LRRC4C: variants seen among roughly 807,000 people sequenced by gnomAD.
LRRC4C encodes the protein leucine rich repeat containing 4C, also known as leucine-rich repeat-containing protein 4C.
LRRC4C carries 5 observed loss-of-function variants against 33.6 expected under a neutral mutation model. The observed-to-expected ratio is 0.15, with a 90% CI of 0.08 to 0.31. The LOEUF (loss-of-function observed/expected upper bound fraction) is 0.31, where lower values mean the gene tolerates loss of function less well. Among genes scored for constraint, LRRC4C ranks in the 10% least tolerant of loss-of-function variants. The probability of loss-of-function intolerance (pLI) is 1.00; values close to 1 mark genes in which losing one functional copy is unlikely to be tolerated. For synonymous variants in LRRC4C, 329 were observed against 302.0 expected (o/e 1.09, Z -0.93); for missense variants, 560 against 796.7 (o/e 0.70, Z 3.58).
chr11:41,138,637 A>G (rs1193984593), intron 1 of LRRC4C, among the ~76,000 whole-genome samples: 2 of 152,160 alleles, frequency 1.3e-5, no homozygotes, highest in Admixed American at 1.3e-4. Context: ...ATTTAAAGAG[A>G]CCTCTATAAA....
intron 2 of LRRC4C, among the ~76,000 whole-genome samples, chr11:40,887,953 C>A (rs1955537536): frequency 6.6e-6 from 1 of 151,660 alleles, no homozygotes; most frequent in African/African-American, 2.4e-5. Context: ...AGTTTTTCTT[C>A]AAACATGTAA....
At chr11:41,433,757 T>C (rs1214244300) in intron 1 of LRRC4C, among the ~76,000 whole-genome samples, 2 of 152,010 alleles carry the variant, frequency 1.3e-5, no homozygotes, top group Admixed American at 6.6e-5. Flanking sequence ...TTGTGGGACC[T>C]TGTGATCCTG....
At position 40,742,039 on chromosome 11, in the gene LRRC4C, A is replaced by G. The variant is rs1334273553; in HGVS notation, c.-406-93761T>C. Among the ~76,000 whole-genome samples, 3 of 152,042 alleles carry G rather than the reference A, an allele frequency of 2.0e-5. No homozygotes were observed. The East Asian group carries it at 5.8e-4, about 29-fold the overall frequency. On this transcript the variant is annotated intron_variant, in intron 2 of 6. Coordinates refer to ENST00000528697, the MANE Select transcript of LRRC4C (RefSeq NM_001258419.2). Reference sequence around the variant, plus strand: ...CAATACTTTTCAGAAAAGTAGAAAAAAATCTAATATTGCCATAAAGGGGCA... The same window carrying G: ...CAATACTTTTCAGAAAAGTAGAAAAGAATCTAATATTGCCATAAAGGGGCA...
At chr11:40,175,003 C>T (rs926021486) in intron 5 of LRRC4C, among the ~76,000 whole-genome samples, 10 of 152,148 alleles carry the variant, frequency 6.6e-5, no homozygotes, top group Middle Eastern at 3.4e-3. Context: ...ATGTAAAAAG[C>T]GAGAAACAGA....
intron 1 of LRRC4C, among the ~76,000 whole-genome samples, chr11:41,298,002 T>G (rs1227703635): frequency 6.6e-6 from 1 of 152,188 alleles, no homozygotes; most frequent in African/African-American, 2.4e-5. Context: ...GGAGATGTAT[T>G]CAGCTGCAAA....
intron 1 of LRRC4C, among the ~76,000 whole-genome samples, chr11:41,177,827 A>T (rs1945272295): frequency 6.6e-6 from 1 of 152,206 alleles, no homozygotes; most frequent in African/African-American, 2.4e-5. Flanking sequence ...AAACACAGTC[A>T]TGTCTAGAGG....
intron 4 of LRRC4C, among the ~76,000 whole-genome samples, chr11:40,317,892 C>A (rs1421565048): frequency 6.6e-6 from 1 of 152,114 alleles, no homozygotes; most frequent in Admixed American, 6.5e-5. Context: ...GCAGCAGCAG[C>A]AACCTGGTAG....
At chr11:40,866,617 A>G (rs1954381489) in intron 2 of LRRC4C, among the ~76,000 whole-genome samples, 1 of 152,122 alleles carries the variant, frequency 6.6e-6, no homozygotes, top group Non-Finnish European at 1.5e-5. Context: ...GTCATGATCA[A>G]GAGCTTGGGA....
chr11:41,371,996 G>A (rs1348696831), intron 1 of LRRC4C, among the ~76,000 whole-genome samples: 2 of 152,160 alleles, frequency 1.3e-5, no homozygotes, highest in Admixed American at 6.5e-5. Flanking sequence ...AATTAGCCAG[G>A]CGTAGTGGCT....
At chr11:41,091,235 T>C (rs1160567142) in intron 1 of LRRC4C, among the ~76,000 whole-genome samples, 1 of 151,914 alleles carries the variant, frequency 6.6e-6, no homozygotes, top group Non-Finnish European at 1.5e-5. Flanking sequence ...AGAGGAAGTT[T>C]AGTGATATGT....
chr11:40,949,203 T>A (rs1238505809), intron 1 of LRRC4C, among the ~76,000 whole-genome samples: 1 of 152,180 alleles, frequency 6.6e-6, no homozygotes, highest in East Asian at 1.9e-4. Context: ...TCGCCCACAT[T>A]TTGATGGGGT....
chr11:40,772,274 T>G (rs1949791115), intron 2 of LRRC4C, among the ~76,000 whole-genome samples: 1 of 152,250 alleles, frequency 6.6e-6, no homozygotes, highest in African/African-American at 2.4e-5. Flanking sequence ...TATAAATCCA[T>G]CAGATCATGT....
intron 5 of LRRC4C, among the ~76,000 whole-genome samples, chr11:40,192,042 TA>T (rs1280133739): frequency 2.0e-5 from 3 of 152,196 alleles, no homozygotes; most frequent in Admixed American, 2.0e-4. Flanking sequence ...ATGATAACAT[TA>T]TATAGGCACT....
intron 2 of LRRC4C, among the ~76,000 whole-genome samples, chr11:40,816,783 T>C (rs571950167): frequency 5.3e-5 from 8 of 152,278 alleles, no homozygotes; most frequent in African/African-American, 1.7e-4. Flanking sequence ...TTAAAATTGA[T>C]AAGTATATTA....
At chr11:41,364,014 A>T (rs1057001439) in intron 1 of LRRC4C, among the ~76,000 whole-genome samples, 2 of 152,172 alleles carry the variant, frequency 1.3e-5, no homozygotes, top group Non-Finnish European at 2.9e-5. Context: ...CACCTTGAAA[A>T]TAAAAGTTCC....
chr11:40,790,967 G>T (rs909522553), intron 2 of LRRC4C, among the ~76,000 whole-genome samples: 2 of 152,176 alleles, frequency 1.3e-5, no homozygotes, highest in Non-Finnish European at 2.9e-5. Flanking sequence ...GGAAGCCAAA[G>T]TGCCAAGTTA....
At chr11:40,648,826 T>C (rs1942619179) in intron 2 of LRRC4C, among the ~76,000 whole-genome samples, 1 of 152,124 alleles carries the variant, frequency 6.6e-6, no homozygotes, top group Non-Finnish European at 1.5e-5. Context: ...CCCATAAGTG[T>C]CAGCCAGCTG....
At chr11:41,146,954 A>G (rs1943754451) in intron 1 of LRRC4C, among the ~76,000 whole-genome samples, 1 of 152,238 alleles carries the variant, frequency 6.6e-6, no homozygotes, top group Admixed American at 6.5e-5. Flanking sequence ...AGTCATATTG[A>G]AGACTGGATG....
At chr11:40,811,095 T>C (rs1951468907) in intron 2 of LRRC4C, among the ~76,000 whole-genome samples, 1 of 152,164 alleles carries the variant, frequency 6.6e-6, no homozygotes, top group South Asian at 2.1e-4. Flanking sequence ...GATTCTCTCC[T>C]ATGGATGTTT....
Sources: allele counts gnomAD v4.1 joint callset (sites outside exome capture counted in the v4.1 genomes callset), GRCh38; gene constraint gnomAD v4.1.1; transcripts MANE v1.5; gene names NCBI Gene and HGNC (gene_info 2026-07-23, HGNC 2026-07-21).